Variants in PTPRT observed in about 807,000 individuals in gnomAD.
The protein encoded by PTPRT is receptor-type tyrosine-protein phosphatase T.
PTPRT carries 56 observed loss-of-function variants against 176.8 expected under a neutral mutation model. The observed-to-expected ratio is 0.32, with a 90% confidence interval of 0.26 to 0.40. The LOEUF is 0.40. Ranked by LOEUF, PTPRT falls within the 10% of genes least tolerant of loss-of-function variation. PTPRT has a pLI of 1.00. For synonymous variants in PTPRT, 783 were observed against 739.0 expected, an observed-to-expected ratio of 1.06 and a Z score of -0.96; for missense variants, 1,540 against 1,908.2, an observed-to-expected ratio of 0.81 and a Z score of 3.60.
chr20:42,984,996 C>A (rs995828315), intron 1 of PTPRT, among the ~76,000 whole-genome samples: 2 of 152,096 alleles, frequency 1.3e-5, no homozygotes, highest in Non-Finnish European at 2.9e-5. Context: ...AGACAGCAGG[C>A]AATTCAGGAA....
intron 1 of PTPRT, among the ~76,000 whole-genome samples, chr20:43,028,910 G>A (rs1986026866): frequency 6.6e-6 from 1 of 152,196 alleles, no homozygotes; most frequent in South Asian, 2.1e-4. Context: ...TACAGACACG[G>A]GTCAGGAAGA....
intron 1 of PTPRT, among the ~76,000 whole-genome samples, chr20:42,905,111 A>G (rs542058005): frequency 1.3e-5 from 2 of 152,360 alleles, no homozygotes; most frequent in African/African-American, 4.8e-5. Flanking sequence ...AAAAGAAACT[A>G]CCATCAGAGT....
intron 1 of PTPRT, among the ~76,000 whole-genome samples, chr20:43,069,778 T>C (rs2011156389): frequency 6.6e-6 from 1 of 152,194 alleles, no homozygotes; most frequent in Admixed American, 6.6e-5. Context: ...CTCAGCTTCT[T>C]GGGAGCCGTA....
intron 1 of PTPRT, among the ~76,000 whole-genome samples, chr20:43,166,622 A>G (rs950045845): frequency 4.6e-5 from 7 of 152,170 alleles, no homozygotes; most frequent in Admixed American, 1.3e-4. Flanking sequence ...CCTTGCCTCA[A>G]ATGTATTACC....
At chr20:42,046,778 AGT>A in the PTPRT span, among the ~76,000 whole-genome samples, 10 of 150,790 alleles carry the variant, frequency 6.6e-5, no homozygotes, top group East Asian at 2.0e-3. Flanking sequence ...TTGTCATGTG[AGT>A]GTGTGTGTGT....
chr20:42,565,885 T>G (rs1023449254), intron 7 of PTPRT, among the ~76,000 whole-genome samples: 1 of 152,020 alleles, frequency 6.6e-6, no homozygotes, highest in Non-Finnish European at 1.5e-5. Context: ...CTCCCTGCTT[T>G]TATTAATGCA....
At chr20:42,832,732 G>A in intron 2 of PTPRT, among the ~76,000 whole-genome samples, 1 of 105,676 alleles carries the variant, frequency 9.5e-6, no homozygotes, top group African/African-American at 3.6e-5. Flanking sequence ...AGAAGGAAAA[G>A]CAAAGAAAAA....
chr20:42,635,439 G>T (rs1301751068), intron 7 of PTPRT, among the ~76,000 whole-genome samples: 1 of 152,080 alleles, frequency 6.6e-6, no homozygotes, highest in African/African-American at 2.4e-5. Context: ...TCGTGAACAA[G>T]AACCTGAAAA....
rs150018883 is a variant in PTPRT at position 42,178,694 on chromosome 20, C to T, written c.2492-17152G>A. ...TTTTGTGAGGTTGCACTCAAGCTGA[C>T]CGCTGTGGTAATGATCTCATCTGAA... On this transcript the variant is annotated intron_variant, in intron 16 of 30. Transcript: ENST00000373187. 5.8e-3 allele frequency among the ~76,000 whole-genome samples: 884 copies of T among 152,266 alleles called. 5 individuals are homozygous for T. The highest frequency in any genetic ancestry group is 9.7e-3 in the Non-Finnish European group (659 of 68,024).
chr20:42,810,063 T>C (rs1483453195), intron 2 of PTPRT, among the ~76,000 whole-genome samples: 5 of 152,004 alleles, frequency 3.3e-5, no homozygotes, highest in Non-Finnish European at 1.5e-5. Context: ...GAGGCCGAAG[T>C]GGGTGGATTG....
chr20:42,422,219 T>G (rs113197123), intron 9 of PTPRT, among the ~76,000 whole-genome samples: 2,812 of 152,258 alleles, frequency 0.018, 91 homozygotes, highest in African/African-American at 0.063. Context: ...TTAATTAAAC[T>G]AAAGAGCTTC....
intron 26 of PTPRT, among the ~76,000 whole-genome samples, chr20:42,100,837 G>C (rs1175380222): frequency 6.6e-6 from 1 of 152,196 alleles, no homozygotes; most frequent in Non-Finnish European, 1.5e-5. Flanking sequence ...CTATGACCAA[G>C]CCAAGACTCC....
At chr20:42,832,967 G>T (rs2078117827) in intron 2 of PTPRT, among the ~76,000 whole-genome samples, 1 of 151,970 alleles carries the variant, frequency 6.6e-6, no homozygotes, top group South Asian at 2.1e-4. Flanking sequence ...CCATGTGTAT[G>T]TAGTCCCAGC....
chr20:43,119,162 A>G (rs2013165061), intron 1 of PTPRT, among the ~76,000 whole-genome samples: 1 of 152,206 alleles, frequency 6.6e-6, no homozygotes, highest in Non-Finnish European at 1.5e-5. Flanking sequence ...AAAACTAGAA[A>G]ACAACACAGT....
At chr20:42,597,367 T>C (rs2073689277) in intron 7 of PTPRT, among the ~76,000 whole-genome samples, 2 of 152,168 alleles carry the variant, frequency 1.3e-5, no homozygotes, top group African/African-American at 4.8e-5. Flanking sequence ...TGACACCCAT[T>C]GCCTTTGCCA....
At chr20:42,194,363 T>C (rs928218424) in intron 16 of PTPRT, among the ~76,000 whole-genome samples, 2 of 152,106 alleles carry the variant, frequency 1.3e-5, no homozygotes, top group African/African-American at 4.8e-5. Context: ...GCCTTTACCT[T>C]CCAGACATGG....
chr20:42,815,963 CT>C (rs1356304032), intron 2 of PTPRT, among the ~76,000 whole-genome samples: 1 of 151,790 alleles, frequency 6.6e-6, no homozygotes, highest in Non-Finnish European at 1.5e-5. Flanking sequence ...TTTTTTTTCT[CT>C]TTTTTTCATT....
At chr20:42,297,747 G>A (rs928945492) in intron 12 of PTPRT, among the ~76,000 whole-genome samples, 1 of 152,074 alleles carries the variant, frequency 6.6e-6, no homozygotes, top group Admixed American at 6.6e-5. Flanking sequence ...TATGAGAAAA[G>A]CAGCATCTCA....
intron 7 of PTPRT, among the ~76,000 whole-genome samples, chr20:42,515,130 T>C (rs922635873): frequency 2.0e-5 from 3 of 152,194 alleles, no homozygotes; most frequent in African/African-American, 7.2e-5. Flanking sequence ...CAATAATCTA[T>C]CTCTCTATTT....
Sources: gnomAD v4.1 joint callset for allele counts (sites outside exome capture counted in the v4.1 genomes callset) on GRCh38, gnomAD v4.1.1 for gene constraint, MANE v1.5 for transcripts, NCBI Gene and HGNC (gene_info 2026-07-23, HGNC 2026-07-21) for gene names.